The following THYN1 variants were observed in gnomAD, a reference collection of about 807,000 sequenced individuals.
THYN1 encodes thymocyte protein thy28.
THYN1 carries 32 observed loss-of-function variants against 30.6 expected under a neutral mutation model. The ratio of observed to expected loss-of-function variants is 1.05; its 90% confidence interval spans 0.79 to 1.40. The LOEUF (loss-of-function observed/expected upper bound fraction) is 1.40, where lower values mean the gene tolerates loss of function less well. THYN1 is among the 40% of genes most tolerant of loss of function. THYN1 has a pLI of 0.00. For synonymous variants in THYN1, 107 were observed against 90.8 expected (o/e 1.18, Z -1.01); for missense variants, 259 against 272.6 (o/e 0.95, Z 0.35).
At chr11:134,249,099 T>C (rs1373656567) in intron 5 of THYN1, 68 bp downstream of exon 5, 2 of 1,561,340 alleles carry the variant, frequency 1.3e-6, no homozygotes, top group Admixed American at 3.5e-5. Flanking sequence ...TGACCTACAG[T>C]CACCCCAACC....
At chr11:134,251,457 C>T (rs1236843003) in intron 1 of THYN1, 149 bp from the exon 2 acceptor site, 42 of 870,004 alleles carry the variant, frequency 4.8e-5, no homozygotes, top group Middle Eastern at 3.2e-4. Flanking sequence ...AAGAAGCTTT[C>T]CTTATCTATA....
chr11:134,248,555 GGC>G, intron 6 of THYN1, 71 bp from the exon 7 acceptor site: 1 of 1,575,750 alleles, frequency 6.3e-7, no homozygotes, highest in Non-Finnish European at 8.7e-7. Flanking sequence ...AGTTGTGCCA[GGC>G]ACAGGTACAT....
chr11:134,249,142 A>G (rs375806541), intron 5 of THYN1, 25 bp downstream of exon 5: 5 of 1,600,582 alleles, frequency 3.1e-6, no homozygotes, highest in Middle Eastern at 1.7e-4. Context: ...TTCCCCTGTC[A>G]TGAAATAGAA....
rs1443158035 is a variant in THYN1, at chr11:134,248,941, G to A, written c.499C>T (p.Arg167Trp). 5 of 1,614,158 alleles carry A rather than the reference G, an allele frequency of 3.1e-6. No individual in the cohort carries two copies. Among genetic ancestry groups the A allele is most frequent in the East Asian group, 2.2e-5 (1 of 44,884 alleles). Residue 167 changes from arginine to tryptophan, a missense_variant, in exon 6 of 7, where the codon CGG (arginine) becomes TGG (tryptophan). By Grantham distance (101) the Arg-to-Trp change is moderately radical (BLOSUM62 -3). Coordinates refer to ENST00000341541, the MANE Select transcript of THYN1 (RefSeq NM_014174.3). ...KWSMVDVQFV[R>W]MMKRFIPLAE... is the part of the protein sequence containing the mutation. Reference sequence around the variant, plus strand: ...AGGGGAATGAAACGTTTCATCATCCGAACAAACTGTACATCCACCTATGTG... The same window carrying A: ...AGGGGAATGAAACGTTTCATCATCCAAACAAACTGTACATCCACCTATGTG...
intron 1 of THYN1, among the ~76,000 whole-genome samples, chr11:134,252,397 TA>T (rs1939121109): frequency 6.6e-6 from 1 of 152,216 alleles, no homozygotes; most frequent in Admixed American, 6.5e-5. Flanking sequence ...TTTGTGATTA[TA>T]AAAACGACAT....
At chr11:134,248,657 ACT>A (rs1198169381) in intron 6 of THYN1, 150 bp downstream of exon 6, 9 of 1,329,854 alleles carry the variant, frequency 6.8e-6, no homozygotes, top group South Asian at 1.4e-5. Context: ...GTAACAGGTA[ACT>A]CTGGCCACAT....
chr11:134,250,214 G>A, intron 3 of THYN1, 61 bp downstream of exon 3: 2 of 1,576,286 alleles, frequency 1.3e-6, no homozygotes, highest in South Asian at 1.1e-5. Flanking sequence ...AGTACGTCAT[G>A]AGGAGGAGGC....
rs371647723 is a variant in THYN1 at position 134,248,392 on chromosome 11, A to C, written c.*46T>G. 6.2e-6 allele frequency: 10 copies of C among 1,612,726 alleles called. No individual in the cohort carries two copies. The highest frequency in any genetic ancestry group is 7.6e-6 in the Non-Finnish European group (9 of 1,178,864). ...ACACCTTTTGTCTGAAAAAAGCTTGACTTCTTTGCAGCAATGTCTCGCCCA... is the reference window on the plus strand; with the variant it reads ...ACACCTTTTGTCTGAAAAAAGCTTGCCTTCTTTGCAGCAATGTCTCGCCCA... On this transcript the variant is annotated 3_prime_UTR_variant, in exon 7 of 7. Transcript: ENST00000341541.
At position 134,253,162 on chromosome 11, in the gene THYN1, G is replaced by A. The variant is rs1245070528; in HGVS notation, c.-280C>T. Reference sequence around the variant, plus strand: ...CCAGGAACCCCTATCTCAGTATGTAGTTCACTGGGAAGTGGCTCCACAGAG... The same window carrying A: ...CCAGGAACCCCTATCTCAGTATGTAATTCACTGGGAAGTGGCTCCACAGAG... On this transcript the variant is annotated 5_prime_UTR_variant, in exon 1 of 7. Coordinates refer to ENST00000341541, the MANE Select transcript of THYN1 (RefSeq NM_014174.3). The A allele has an allele frequency of 3.7e-6, 5 of 1,347,696 alleles. No homozygotes were observed. The highest frequency in any genetic ancestry group is 4.7e-6 in the Non-Finnish European group (5 of 1,054,426). 83.5% of individuals were successfully genotyped at this position (1,347,696 alleles called of 1,614,324 possible). A position where few individuals can be genotyped will look rare whatever the true frequency, so the allele number is the denominator to read the frequency against.
At chr11:134,252,104 A>C (rs1184885496) in intron 1 of THYN1, among the ~76,000 whole-genome samples, 1 of 151,302 alleles carries the variant, frequency 6.6e-6, no homozygotes. Context: ...GGTCTATCTG[A>C]AGCTACTTAA....
At position 134,249,194 on chromosome 11, in the gene THYN1, G is replaced by T; in HGVS notation, c.453C>A (p.Ser151Arg). 6.2e-7 allele frequency: 1 copy of T among 1,614,056 alleles called. No homozygotes were observed. The highest frequency in any genetic ancestry group is 8.5e-7 in the Non-Finnish European group (1 of 1,179,986). The change falls in exon 5 of 7, where the codon AGC becomes AGA. Residue 151 changes from serine to arginine, a missense_variant. Coordinates refer to ENST00000341541, the MANE Select transcript of THYN1 (RefSeq NM_014174.3). ...EKNNPHYDPS[S>R]KEDNPKWSMV... is the part of the protein sequence containing the mutation. Reference sequence around the variant, plus strand: ...TGGACCACTTAGGGTTGTCCTCTTTGCTAGATGGGTCATAATGGGGATTGT... The same window carrying T: ...TGGACCACTTAGGGTTGTCCTCTTTTCTAGATGGGTCATAATGGGGATTGT...
chr11:134,252,326 G>A (rs1382672438), intron 1 of THYN1, among the ~76,000 whole-genome samples: 2 of 152,088 alleles, frequency 1.3e-5, no homozygotes, highest in African/African-American at 4.8e-5. Flanking sequence ...ATTCCCAAAA[G>A]AGGTACTTTC....
intron 1 of THYN1, 149 bp downstream of exon 1, chr11:134,252,691 G>A (rs1013237216): frequency 6.8e-6 from 6 of 888,512 alleles, no homozygotes; most frequent in African/African-American, 3.4e-5. Flanking sequence ...GGTGAGACAA[G>A]TAAAGAAGAT....
At position 134,252,798 on chromosome 11, in the gene THYN1, T is replaced by A. The variant is rs753897967; in HGVS notation, c.43+42A>T. The A allele has an allele frequency of 2.5e-6, 4 of 1,612,352 alleles. No individual in the cohort carries two copies. In the African/African-American group the frequency reaches 5.3e-5, roughly 22 times the overall value. The stretch of plus-strand genomic sequence containing the variant: ...TACTAAACAGGCTCTTCGAGAAAAG[T>A]TTTTTCTTGGGCTGCCTTTGTGCAG... On this transcript the variant is annotated intron_variant, in intron 1 of 6. Transcript: ENST00000341541.
intron 1 of THYN1, chr11:134,251,565 G>A (rs765445885): frequency 2.8e-5 from 11 of 394,886 alleles, no homozygotes; most frequent in South Asian, 2.7e-4. Flanking sequence ...TTAAAGGTCC[G>A]GACAGTAGTC....
chr11:134,250,663 C>A (rs1939006607), intron 2 of THYN1, among the ~76,000 whole-genome samples: 1 of 152,066 alleles, frequency 6.6e-6, no homozygotes, highest in African/African-American at 2.4e-5. Flanking sequence ...ATATTAAATT[C>A]CCTGAAATAT....
At position 134,251,311 on chromosome 11, in the gene THYN1, G is replaced by T; in HGVS notation, c.44-3C>A. 6.3e-7 allele frequency: 1 copy of T among 1,597,502 alleles called. No individual in the cohort carries two copies. The highest frequency in any genetic ancestry group is 8.5e-7 in the Non-Finnish European group (1 of 1,174,174). On this transcript the variant is annotated splice_polypyrimidine_tract_variant and splice_region_variant and intron_variant, in intron 1 of 6. Transcript: ENST00000341541. The stretch of plus-strand genomic sequence containing the variant: ...GCGTTTTCCTGATAGTCCCTTGTCT[G>T]CAATAGGAGAAGCAAAAAGAAAAGA...
In THYN1 at chr11:134,251,257, A is replaced by G. The variant is rs1489270856; in HGVS notation, c.95T>C (p.Leu32Ser). ...AGGGTTGGAGTCCTCCACTTTAGCT[A>G]ATGCCTCACCTGAGTTCTCAGTTTT... ...RTKTENSGEA[L>S]AKVEDSNPQK... is the part of the protein sequence containing the mutation. Residue 32 changes from leucine (L) to serine (S), a missense_variant, in exon 2 of 7, where the codon TTA becomes TCA. Leu to Ser is a moderately radical substitution (Grantham distance 145). Transcript: ENST00000341541. 1 of 1,614,086 alleles carries G rather than the reference A, an allele frequency of 6.2e-7. No individual in the cohort carries two copies. Among genetic ancestry groups the G allele is most frequent in the Non-Finnish European group, 8.5e-7 (1 of 1,179,982 alleles).
chr11:134,248,405 A>T lies in THYN1; in HGVS notation c.*33T>A. ...GAAAAAAGCTTGACTTCTTTGCAGC[A>T]ATGTCTCGCCCATTCCAGCAGCAGT... On this transcript the variant is annotated 3_prime_UTR_variant, in exon 7 of 7. Coordinates refer to ENST00000341541, the MANE Select transcript of THYN1 (RefSeq NM_014174.3). 1 of 1,614,014 alleles carries T rather than the reference A, an allele frequency of 6.2e-7. No individual in the cohort carries two copies. Among genetic ancestry groups the T allele is most frequent in the Non-Finnish European group, 8.5e-7 (1 of 1,179,900 alleles).
Sources: gnomAD v4.1 joint callset for allele counts (sites outside exome capture counted in the v4.1 genomes callset) on GRCh38, gnomAD v4.1.1 for gene constraint, MANE v1.5 for transcripts, NCBI Gene and HGNC (gene_info 2026-07-23, HGNC 2026-07-21) for gene names.